The following FAM193A variants were observed in gnomAD, a reference collection of about 807,000 sequenced individuals.
FAM193A encodes the protein protein FAM193A.
A neutral mutation model predicts 126.5 loss-of-function variants in FAM193A; 22 were observed. The ratio of observed to expected loss-of-function variants is 0.17; its 90% CI spans 0.12 to 0.25. The LOEUF is 0.25. Among genes scored for constraint, FAM193A ranks in the 10% least tolerant of loss-of-function variants. The pLI is 1.00. For synonymous variants in FAM193A, 761 were observed against 646.8 expected (o/e 1.18, Z -2.68); for missense variants, 1,675 against 1,672.8 (o/e 1.00, Z -0.02).
chr4:2,570,636 C>T (rs1224811596), intron 1 of FAM193A, among the ~76,000 whole-genome samples: 1 of 152,092 alleles, frequency 6.6e-6, no homozygotes, highest in Non-Finnish European at 1.5e-5. Context: ...ATCATAGTGA[C>T]ACAGGAAATA....
In FAM193A at chr4:2,691,774, T is replaced by TAA. The variant is rs370439634; in HGVS notation, c.2803+818_2803+819dup. Among the ~76,000 whole-genome samples, 313 of 136,352 alleles carry TAA rather than the reference T, an allele frequency of 2.3e-3. 1 individual carries two copies. Among genetic ancestry groups the TAA allele is most frequent in the Admixed American group, 3.1e-3 (43 of 13,942 alleles). The allele number at this position is 136,352 out of a possible 152,430, so 89.5% of individuals were successfully genotyped here. On this transcript the variant is annotated intron_variant, in intron 15 of 20. Transcript: ENST00000637812. ...GGGCAACATAGTGAGACCCCGTCTCTAAAAAAAAAAAAAAAGTTAAAAAAA... is the reference window on the plus strand; with the variant it reads ...GGGCAACATAGTGAGACCCCGTCTCTAAAAAAAAAAAAAAAAAGTTAAAAAAA...
chr4:2,601,165 T>C (rs1453218479), intron 2 of FAM193A, among the ~76,000 whole-genome samples: 1 of 152,028 alleles, frequency 6.6e-6, no homozygotes, highest in Non-Finnish European at 1.5e-5. Context: ...TAAAGTTCTG[T>C]GTAATGGTCT....
At chr4:2,546,865 A>C (rs1359621999) in intron 1 of FAM193A, among the ~76,000 whole-genome samples, 4 of 152,140 alleles carry the variant, frequency 2.6e-5, no homozygotes, top group Non-Finnish European at 5.9e-5. Context: ...CATTTTGCCT[A>C]CTCACGCAAT....
At chr4:2,668,968 G>T (rs1713474829) in intron 12 of FAM193A, among the ~76,000 whole-genome samples, 1 of 152,076 alleles carries the variant, frequency 6.6e-6, no homozygotes, top group Non-Finnish European at 1.5e-5. Context: ...TCAGCCACCT[G>T]AGTAGCTGGG....
intron 2 of FAM193A, among the ~76,000 whole-genome samples, chr4:2,614,058 C>T (rs1259161010): frequency 1.3e-5 from 2 of 152,206 alleles, no homozygotes; most frequent in Non-Finnish European, 2.9e-5. Flanking sequence ...CAGGCCTGAG[C>T]CACCGCACCC....
At chr4:2,556,021 C>T (rs554749926) in intron 1 of FAM193A, among the ~76,000 whole-genome samples, 58 of 151,808 alleles carry the variant, frequency 3.8e-4, no homozygotes, top group Non-Finnish European at 6.6e-4. Context: ...CTCAGCCTCC[C>T]GAGTAGCTGG....
chr4:2,586,646 AATT>A (rs1241549752), intron 1 of FAM193A, among the ~76,000 whole-genome samples: 2 of 152,086 alleles, frequency 1.3e-5, no homozygotes, highest in Non-Finnish European at 2.9e-5. Flanking sequence ...ACACTCTCTG[AATT>A]ATTATAGCAT....
intron 19 of FAM193A, among the ~76,000 whole-genome samples, chr4:2,702,749 A>G (rs1311385675): frequency 6.6e-6 from 1 of 152,208 alleles, no homozygotes; most frequent in African/African-American, 2.4e-5. Flanking sequence ...TAAAGGGTTC[A>G]GAAGTCCCTG....
chr4:2,543,869 CAAAAAAAAAAA>C (rs71178473), intron 1 of FAM193A, among the ~76,000 whole-genome samples: 6 of 71,754 alleles, frequency 8.4e-5, no homozygotes, highest in East Asian at 9.6e-4. Flanking sequence ...GACATTGTCT[CAAAAAAAAAAA>C]AAAAAAAAAA....
intron 1 of FAM193A, among the ~76,000 whole-genome samples, chr4:2,539,361 G>T (rs1267689790): frequency 6.6e-6 from 1 of 152,000 alleles, no homozygotes; most frequent in African/African-American, 2.4e-5. Flanking sequence ...TTGCCACTGT[G>T]CCCACCTGAG....
chr4:2,614,893 T>A (rs2108951297), intron 2 of FAM193A, among the ~76,000 whole-genome samples: 1 of 152,336 alleles, frequency 6.6e-6, no homozygotes, highest in Non-Finnish European at 1.5e-5. Flanking sequence ...TCAGAATATT[T>A]ATTACCTTTT....
At chr4:2,614,658 G>T (rs1742079380) in intron 2 of FAM193A, among the ~76,000 whole-genome samples, 2 of 152,188 alleles carry the variant, frequency 1.3e-5, no homozygotes. Flanking sequence ...TGATTTTCCG[G>T]AAAGGAAAAG....
At chr4:2,721,312 C>CAAA (rs56875674) in intron 20 of FAM193A, among the ~76,000 whole-genome samples, 6 of 70,012 alleles carry the variant, frequency 8.6e-5, no homozygotes, top group African/African-American at 3.2e-4. Flanking sequence ...GACTCCGTCT[C>CAAA]AAAAAAAAAA....
rs917957037 is a variant in FAM193A, at chr4:2,728,197, A to G, written c.4455-3578A>G. 4.0e-5 allele frequency among the ~76,000 whole-genome samples: 6 copies of G among 150,514 alleles called. No individual in the cohort carries two copies. The East Asian group carries it at 1.2e-3, about 29-fold the overall frequency. ...CTGCCCACCTTACCTCGGCCTCCCA[A>G]AGTGCTGGGATTACAGGCGTGAGCT... On this transcript the variant is annotated intron_variant, in intron 20 of 20. Coordinates refer to ENST00000637812, the MANE Select transcript of FAM193A (RefSeq NM_001366318.2).
intron 1 of FAM193A, among the ~76,000 whole-genome samples, chr4:2,575,372 G>A (rs1739526841): frequency 6.6e-6 from 1 of 152,098 alleles, no homozygotes; most frequent in South Asian, 2.1e-4. Flanking sequence ...TCAGGAGCAT[G>A]GACTTCATAG....
In FAM193A at chr4:2,572,972, T is replaced by C. The variant is rs545900985; in HGVS notation, c.256-23112T>C. Among the ~76,000 whole-genome samples, 5 of 152,168 alleles carry C rather than the reference T, an allele frequency of 3.3e-5. No homozygotes were observed. The East Asian group carries it at 9.7e-4, about 29-fold the overall frequency. On this transcript the variant is annotated intron_variant, in intron 1 of 20. Coordinates refer to ENST00000637812, the MANE Select transcript of FAM193A (RefSeq NM_001366318.2). Reference sequence around the variant, plus strand: ...TAGGATTCTGACTTCAGAAATGATTTCCTCTGCATAGGGAATACTAAAGAA... The same window carrying C: ...TAGGATTCTGACTTCAGAAATGATTCCCTCTGCATAGGGAATACTAAAGAA...
chr4:2,659,510 C>A lies in FAM193A; in HGVS notation c.1390-48C>A, dbSNP rs777395425. The A allele has an allele frequency of 3.6e-5, 46 of 1,292,174 alleles. 1 individual carries two copies. In the Admixed American group the frequency reaches 7.6e-4, roughly 21 times the overall value. 80.0% of individuals were successfully genotyped at this position (1,292,174 alleles called of 1,614,324 possible). ...ATTACTGAAAAATAATGAGCCATGT[C>A]TCGGGGAAGGGTCTTGCAAGATTAA... On this transcript the variant is annotated intron_variant, in intron 8 of 20. Transcript: ENST00000637812.
At chr4:2,581,345 C>T (rs1370169731) in intron 1 of FAM193A, among the ~76,000 whole-genome samples, 3 of 151,088 alleles carry the variant, frequency 2.0e-5, no homozygotes, top group Non-Finnish European at 3.0e-5. Flanking sequence ...CCTCCGCCTC[C>T]CAGGTCCAAG....
At chr4:2,578,686 A>C (rs1447506474) in intron 1 of FAM193A, among the ~76,000 whole-genome samples, 1 of 152,198 alleles carries the variant, frequency 6.6e-6, no homozygotes, top group Non-Finnish European at 1.5e-5. Flanking sequence ...TGTTGACCAG[A>C]AGTCTTACCA....
Sources: allele counts gnomAD v4.1 joint callset (sites outside exome capture counted in the v4.1 genomes callset), GRCh38; gene constraint gnomAD v4.1.1; transcripts MANE v1.5; gene names NCBI Gene and HGNC (gene_info 2026-07-23, HGNC 2026-07-21).